Variants in BICC1 observed in about 807,000 individuals in gnomAD.
BICC1 encodes the protein protein bicaudal C homolog 1.
A neutral mutation model predicts 111.0 loss-of-function variants in BICC1; 43 were observed. The observed-to-expected ratio is 0.39, with a 90% CI of 0.30 to 0.50. The LOEUF (loss-of-function observed/expected upper bound fraction) is 0.50. BICC1 is among the 20% of genes least tolerant of loss of function. The pLI is 0.88. For synonymous variants in BICC1, 467 were observed against 434.4 expected (o/e 1.07, Z -0.93); for missense variants, 1,091 against 1,203.2 (o/e 0.91, Z 1.38).
chr10:58,664,607 A>G (rs918094580), intron 2 of BICC1, among the ~76,000 whole-genome samples: 1 of 152,002 alleles, frequency 6.6e-6, no homozygotes, highest in Non-Finnish European at 1.5e-5. Flanking sequence ...TAGTTATTTT[A>G]AAAGTTCTAT....
intron 8 of BICC1, among the ~76,000 whole-genome samples, chr10:58,791,821 T>A (rs944147349): frequency 6.6e-6 from 1 of 152,192 alleles, no homozygotes; most frequent in Non-Finnish European, 1.5e-5. Context: ...AGGTGAGGTC[T>A]TACTCTGTTG....
chr10:58,783,136 CA>C (rs1379349515), intron 3 of BICC1, among the ~76,000 whole-genome samples: 4 of 152,130 alleles, frequency 2.6e-5, no homozygotes, highest in African/African-American at 7.2e-5. Context: ...GGTTAAGTGT[CA>C]GGGGAGGGAT....
Position 58,701,963 on chromosome 10 carries a change from G to GT in BICC1, c.238-110dup, listed in dbSNP as rs201252516. On this transcript the variant is annotated intron_variant, in intron 2 of 20. Coordinates refer to ENST00000373886, the MANE Select transcript of BICC1 (RefSeq NM_001080512.3). ...CATTGTTTTCAAATGAGATCATTTTGTATGAACATGAACTTAGGAACTTGA... is the reference window on the plus strand; with the variant it reads ...CATTGTTTTCAAATGAGATCATTTTGTTATGAACATGAACTTAGGAACTTGA... The GT allele has an allele frequency of 2.3e-3, 1,475 of 653,114 alleles. 23 individuals are homozygous for GT. The African/African-American group carries it at 0.026, about 11-fold the overall frequency. 40.5% of individuals were successfully genotyped at this position (653,114 alleles called of 1,614,324 possible).
At position 58,604,409 on chromosome 10, in the gene BICC1, C is replaced by G. The variant is rs941249026; in HGVS notation, c.191-16446C>G. Among the ~76,000 whole-genome samples the G allele has an allele frequency of 3.3e-5, 5 of 152,246 alleles. No homozygotes were observed. In the South Asian group the frequency reaches 1.0e-3, roughly 32 times the overall value. ...AAGCGGCTGGGCGTGGTGGCTCATG[C>G]CTGTAATCCCAGCACTTTGGGAGGC... is the stretch of plus-strand genomic sequence containing the variant. On this transcript the variant is annotated intron_variant, in intron 1 of 20. Coordinates refer to ENST00000373886, the MANE Select transcript of BICC1 (RefSeq NM_001080512.3).
intron 2 of BICC1, among the ~76,000 whole-genome samples, chr10:58,697,613 T>C (rs1178238863): frequency 6.6e-6 from 1 of 152,346 alleles, no homozygotes; most frequent in East Asian, 1.9e-4. Flanking sequence ...CTAATTTACC[T>C]GCCTTGATGA....
intron 2 of BICC1, among the ~76,000 whole-genome samples, chr10:58,639,710 C>T (rs939034862): frequency 4.2e-5 from 6 of 141,818 alleles, no homozygotes; most frequent in Admixed American, 1.5e-4. Flanking sequence ...AGCCACTGTG[C>T]CCGGCCAAAT....
intron 2 of BICC1, among the ~76,000 whole-genome samples, chr10:58,640,616 C>T (rs1385411801): frequency 2.0e-5 from 3 of 152,190 alleles, no homozygotes. Flanking sequence ...TGCATTTACT[C>T]ACCAAAAATT....
chr10:58,512,386 C>T (rs942919750), upstream of BICC1, among the ~76,000 whole-genome samples: 2 of 152,106 alleles, frequency 1.3e-5, no homozygotes, highest in African/African-American at 4.8e-5. Flanking sequence ...GCTTGTGGAA[C>T]CAACTGGGGC....
At chr10:58,721,482 C>T (rs1404687230) in intron 3 of BICC1, among the ~76,000 whole-genome samples, 1 of 152,146 alleles carries the variant, frequency 6.6e-6, no homozygotes, top group Non-Finnish European at 1.5e-5. Flanking sequence ...TGACTACAGT[C>T]ATCTCAAGTG....
chr10:58,569,359 G>T (rs1269435018), intron 1 of BICC1, among the ~76,000 whole-genome samples: 1 of 152,054 alleles, frequency 6.6e-6, no homozygotes, highest in Non-Finnish European at 1.5e-5. Context: ...ATATGTACAT[G>T]CCACAATACT....
At chr10:58,590,824 C>T (rs1164992306) in intron 1 of BICC1, among the ~76,000 whole-genome samples, 1 of 152,164 alleles carries the variant, frequency 6.6e-6, no homozygotes, top group Non-Finnish European at 1.5e-5. Context: ...AAATGATCCA[C>T]ATAAATAAAA....
intron 2 of BICC1, among the ~76,000 whole-genome samples, chr10:58,645,040 C>T (rs575180324): frequency 1.4e-3 from 216 of 152,162 alleles, no homozygotes; most frequent in African/African-American, 5.0e-3. Context: ...ACTCCCCGCC[C>T]CACCAATACA....
chr10:58,633,971 CT>C (rs1588953185), intron 2 of BICC1, among the ~76,000 whole-genome samples: 2 of 12,290 alleles, frequency 1.6e-4, no homozygotes, highest in East Asian at 4.8e-3. Flanking sequence ...AATTTCTTTT[CT>C]TTTTCTTTTT....
At chr10:58,687,957 A>C (rs1414191137) in intron 2 of BICC1, among the ~76,000 whole-genome samples, 4 of 151,974 alleles carry the variant, frequency 2.6e-5, no homozygotes, top group Admixed American at 6.5e-5. Flanking sequence ...TGTGGACTGG[A>C]GTTGTTCCTA....
chr10:58,706,059 T>A (rs1156449915), intron 3 of BICC1, among the ~76,000 whole-genome samples: 1 of 152,174 alleles, frequency 6.6e-6, no homozygotes, highest in Admixed American at 6.5e-5. Context: ...TGGATAAAAA[T>A]TTAACTCCTT....
chr10:58,546,572 G>T (rs1350828965), intron 1 of BICC1, among the ~76,000 whole-genome samples: 1 of 143,198 alleles, frequency 7.0e-6, no homozygotes, highest in Non-Finnish European at 1.5e-5. Flanking sequence ...GGTGCTTACA[G>T]GTCATCTCTA....
At chr10:58,828,672 G>T in intron 20 of BICC1, 89 bp from the exon 21 acceptor site, 1 of 1,388,110 alleles carries the variant, frequency 7.2e-7, no homozygotes, top group Non-Finnish European at 9.7e-7. Flanking sequence ...AACCTACCAC[G>T]TCACCATTTT....
chr10:58,726,646 C>G (rs1172663073), intron 3 of BICC1, among the ~76,000 whole-genome samples: 4 of 152,194 alleles, frequency 2.6e-5, no homozygotes, highest in Non-Finnish European at 4.4e-5. Context: ...AAATAGGAGA[C>G]AGCTGTTAGG....
chr10:58,533,923 A>G (rs1384403472), intron 1 of BICC1, among the ~76,000 whole-genome samples: 2 of 151,874 alleles, frequency 1.3e-5, no homozygotes, highest in Admixed American at 6.6e-5. Flanking sequence ...GTTCTTACCT[A>G]TCAGTAATTA....
Sources: gnomAD v4.1 joint callset for allele counts (sites outside exome capture counted in the v4.1 genomes callset) on GRCh38, gnomAD v4.1.1 for gene constraint, MANE v1.5 for transcripts, NCBI Gene and HGNC (gene_info 2026-07-23, HGNC 2026-07-21) for gene names.